Variants in E4F1 observed in about 807,000 individuals in gnomAD.
The protein encoded by E4F1 is transcription factor E4F1.
E4F1 carries 30 observed loss-of-function variants against 72.9 expected under a neutral mutation model. The observed-to-expected ratio is 0.41, with a 90% CI of 0.31 to 0.56. The LOEUF (loss-of-function observed/expected upper bound fraction) is 0.56, where lower values mean the gene tolerates loss of function less well. Ranked by LOEUF, E4F1 falls within the 20% of genes least tolerant of loss-of-function variation. The pLI, the probability that E4F1 is intolerant of heterozygous loss-of-function variation, is 0.25. For missense variants in E4F1, 1,091 were observed against 1,117.5 expected, an observed-to-expected ratio of 0.98 and a Z score of 0.34; for synonymous variants, 542 against 478.2, an observed-to-expected ratio of 1.13 and a Z score of -1.74.
chr16:2,233,672 C>G (rs1310747895), intron 8 of E4F1, 25 bp downstream of exon 8: 1 of 1,525,206 alleles, frequency 6.6e-7, no homozygotes, highest in Non-Finnish European at 8.8e-7. Flanking sequence ...CACCTGCGGG[C>G]TCCTCCCAGG....
chr16:2,223,638 G>A lies in E4F1; in HGVS notation c.25G>A (p.Val9Met), dbSNP rs2093411796. 6.3e-7 allele frequency: 1 copy of A among 1,590,704 alleles called. No individual in the cohort carries two copies. Among genetic ancestry groups the A allele is most frequent in the Non-Finnish European group, 8.5e-7 (1 of 1,174,178 alleles). MEGAMAVRVTAAHTAEAQA... is the reference protein window; with the variant it reads MEGAMAVRMTAAHTAEAQA... ...CATGGAGGGCGCGATGGCAGTGCGGGTGACGGCCGCTCATACGGCAGAAGC... is the reference window on the plus strand; with the variant it reads ...CATGGAGGGCGCGATGGCAGTGCGGATGACGGCCGCTCATACGGCAGAAGC... Residue 9 changes from valine (V) to methionine (M), a missense_variant, in exon 1 of 14, where the codon GTG becomes ATG. Coordinates refer to ENST00000301727, the MANE Select transcript of E4F1 (RefSeq NM_004424.5).
chr16:2,229,233 G>A (rs1237724373), intron 2 of E4F1, among the ~76,000 whole-genome samples: 3 of 152,240 alleles, frequency 2.0e-5, no homozygotes, highest in African/African-American at 7.2e-5. Context: ...GGCGGGCTGG[G>A]ACTGTGCCAT....
intron 3 of E4F1, chr16:2,229,961 C>T (rs2093457218): frequency 7.6e-6 from 3 of 395,932 alleles, no homozygotes; most frequent in East Asian, 4.9e-5. Context: ...CTGCCGTGTC[C>T]CTCCCAGAAT....
Position 2,232,913 on chromosome 16 carries a change from G to A in E4F1, c.883+5G>A, listed in dbSNP as rs752735909. 2 of 1,613,244 alleles carry A rather than the reference G, an allele frequency of 1.2e-6. No individual in the cohort carries two copies. Among genetic ancestry groups the A allele is most frequent in the Non-Finnish European group, 1.7e-6 (2 of 1,179,986 alleles). The stretch of plus-strand genomic sequence containing the variant: ...GCAAAGAGGACGCACGTGCAGGTCA[G>A]CATGGTGCGGGCAGCTGCCTGGTCC... On this transcript the variant is annotated splice_donor_5th_base_variant and intron_variant, in intron 6 of 13. Transcript: ENST00000301727.
At chr16:2,232,617 C>T (rs766961962) in intron 5 of E4F1, 41 bp downstream of exon 5, 24 of 1,608,550 alleles carry the variant, frequency 1.5e-5, no homozygotes, top group South Asian at 3.3e-5. Context: ...GGTAGCACCC[C>T]GATGGTTGGC....
chr16:2,231,865 C>T (rs545292189), intron 3 of E4F1: 12 of 370,278 alleles, frequency 3.2e-5, no homozygotes, highest in South Asian at 1.1e-4. Context: ...AGGATTCGCA[C>T]GTCCTCCTGG....
intron 3 of E4F1, chr16:2,231,825 G>A (rs2093469355): frequency 3.6e-6 from 1 of 279,268 alleles, no homozygotes; most frequent in Non-Finnish European, 6.9e-6. Context: ...AGGACAGGCG[G>A]CTGTCTCTTC....
At chr16:2,232,706 T>C in intron 5 of E4F1, 50 bp from the exon 6 acceptor site, 1 of 1,610,246 alleles carries the variant, frequency 6.2e-7, no homozygotes, top group Admixed American at 1.7e-5. Context: ...CTTGTCACCT[T>C]GTCGCCAGCC....
At position 2,229,643 on chromosome 16, in the gene E4F1, C is replaced by T. The variant is rs1596760195; in HGVS notation, c.383C>T (p.Ala128Val). Residue 128 changes from alanine (A) to valine (V), a missense_variant, in exon 3 of 14, where the codon GCA becomes GTA. By Grantham distance (64) the Ala-to-Val change is moderately conservative (BLOSUM62 0). This residue lies in a region of E4F1 where 362 missense variants were observed against 358.6 expected (regional missense o/e 1.01). Transcript: ENST00000301727. ...AHIVVEAASL[A>V]ADISHASDLV... The stretch of plus-strand genomic sequence containing the variant: ...ATCGTGGTGGAGGCGGCCTCTCTGG[C>T]AGCAGACATCAGCCACGCATCTGAC... 5.0e-6 allele frequency: 8 copies of T among 1,613,036 alleles called. No individual in the cohort carries two copies. The highest frequency in any genetic ancestry group is 2.5e-6 in the Non-Finnish European group (3 of 1,179,982).
In E4F1 at chr16:2,235,251, C is replaced by T. The variant is rs148011220; in HGVS notation, c.2034C>T (p.Ile678=). 52 of 1,610,432 alleles carry T rather than the reference C, an allele frequency of 3.2e-5. No homozygotes were observed. The highest frequency in any genetic ancestry group is 9.3e-5 in the African/African-American group (7 of 74,930). ...ACATCATGAAGGTGGTGCAGCAGATCGTGCACCAGGCTAGCGCCGGCCACC... is the reference window on the plus strand; with the variant it reads ...ACATCATGAAGGTGGTGCAGCAGATTGTGCACCAGGCTAGCGCCGGCCACC... ...DSHIMKVVQQ[I]VHQASAGHQI... is the part of the protein sequence containing the mutation. Residue 678 remains isoleucine (I), a synonymous_variant, in exon 14 of 14, where the codon ATC becomes ATT. Coordinates refer to ENST00000301727, the MANE Select transcript of E4F1 (RefSeq NM_004424.5).
chr16:2,225,243 G>A (rs1282371330), intron 1 of E4F1, among the ~76,000 whole-genome samples: 1 of 151,984 alleles, frequency 6.6e-6, no homozygotes, highest in Non-Finnish European at 1.5e-5. Flanking sequence ...GTCATGTGCC[G>A]AGAGCAGTGT....
intron 8 of E4F1, 86 bp downstream of exon 8, chr16:2,233,733 C>A: frequency 6.8e-7 from 1 of 1,460,814 alleles, no homozygotes; most frequent in Non-Finnish European, 9.2e-7. Context: ...CCTGAAGTGG[C>A]TTTCTGCAGT....
chr16:2,225,580 TCTC>T (rs1166548286), intron 1 of E4F1, among the ~76,000 whole-genome samples: 1 of 151,452 alleles, frequency 6.6e-6, no homozygotes, highest in Non-Finnish European at 1.5e-5. Context: ...TTCAAGCTAT[TCTC>T]CTGACTCGGC....
Position 2,233,910 on chromosome 16 carries a change from C to T in E4F1, c.1295C>T (p.Pro432Leu). The T allele has an allele frequency of 1.2e-6, 2 of 1,601,854 alleles. No individual in the cohort carries two copies. Among genetic ancestry groups the T allele is most frequent in the Non-Finnish European group, 1.7e-6 (2 of 1,174,786 alleles). The change falls in exon 9 of 14, where the codon CCC becomes CTC. Residue 432 changes from proline (P) to leucine (L), a missense_variant. Physicochemically the swap from Pro to Leu is moderately conservative, Grantham distance 98. Coordinates refer to ENST00000301727, the MANE Select transcript of E4F1 (RefSeq NM_004424.5). ...TQVASEASAV[P>L]RTHPCPQCSE... ...GTGGCCAGCGAGGCCTCAGCGGTGC[C>T]CAGGACCCACCCATGTCCTCAGTGC... is the stretch of plus-strand genomic sequence containing the variant.
rs757043640 is a variant in E4F1 at position 2,228,456 on chromosome 16, C to A, written c.242C>A (p.Ala81Asp). 7.4e-6 allele frequency: 12 copies of A among 1,613,416 alleles called. No homozygotes were observed. The highest frequency in any genetic ancestry group is 1.0e-5 in the Non-Finnish European group (12 of 1,180,006). Residue 81 changes from alanine to aspartate, a missense_variant, in exon 2 of 14, where the codon GCC becomes GAC. Physicochemically the swap from Ala to Asp is moderately radical, Grantham distance 126 (BLOSUM62 -2). Coordinates refer to ENST00000301727, the MANE Select transcript of E4F1 (RefSeq NM_004424.5). ...EDFVQHKIQK[A>D]CQRAPPEALP... is the part of the protein sequence containing the mutation. ...TTTGTTCAGCACAAGATTCAGAAGG[C>A]CTGCCAGCGGGCCCCTCCGGAGGCC...
At chr16:2,232,405 C>T (rs769485429) in intron 4 of E4F1, 41 bp downstream of exon 4, 1 of 1,602,184 alleles carries the variant, frequency 6.2e-7, no homozygotes, top group South Asian at 1.1e-5. Context: ...GGTGGCAGGC[C>T]CCCTCCTGTT....
intron 1 of E4F1, among the ~76,000 whole-genome samples, chr16:2,226,891 G>T (rs993465636): frequency 6.6e-6 from 1 of 152,236 alleles, no homozygotes; most frequent in African/African-American, 2.4e-5. Flanking sequence ...TCAGTGAGCA[G>T]AGTGGTTGTG....
Position 2,235,621 on chromosome 16 carries a change from T to G in E4F1, c.*49T>G. On this transcript the variant is annotated 3_prime_UTR_variant, in exon 14 of 14. Transcript: ENST00000301727. Reference sequence around the variant, plus strand: ...CGGGCAGGGACAGGGCAGAGGACTCTGAGCGCCCCACCCATGCCTGCCTGG... The same window carrying G: ...CGGGCAGGGACAGGGCAGAGGACTCGGAGCGCCCCACCCATGCCTGCCTGG... The G allele has an allele frequency of 6.7e-7, 1 of 1,485,402 alleles. No individual in the cohort carries two copies. The highest frequency in any genetic ancestry group is 9.0e-7 in the Non-Finnish European group (1 of 1,106,468). The allele number at this position is 1,485,402 out of a possible 1,614,324, so 92.0% of individuals were successfully genotyped here.
chr16:2,223,727 C>A lies in E4F1; in HGVS notation c.114C>A (p.Ala38=). 2 of 1,546,144 alleles carry A rather than the reference C, an allele frequency of 1.3e-6. No individual in the cohort carries two copies. The highest frequency in any genetic ancestry group is 1.9e-4 in the Middle Eastern group (1 of 5,312). The change falls in exon 1 of 14, where the codon GCC becomes GCA. Residue 38 remains alanine (A), a synonymous_variant. Transcript: ENST00000301727. ...GAVAAVAAAL[A]PSGFLGLPAP... is the part of the protein sequence containing the mutation. The stretch of plus-strand genomic sequence containing the variant: ...TTGCGGCGGTGGCGGCGGCCTTGGC[C>A]CCCAGCGGCTTCCTCGGCCTCCCGG...
Sources: allele counts gnomAD v4.1 joint callset (sites outside exome capture counted in the v4.1 genomes callset), GRCh38; gene constraint gnomAD v4.1.1; regional missense constraint gnomAD v4.1.1; transcripts MANE v1.5; gene names NCBI Gene and HGNC (gene_info 2026-07-23, HGNC 2026-07-21).